KAZN: variants seen among roughly 807,000 people sequenced by gnomAD.
KAZN encodes the protein kazrin.
In KAZN, 40 loss-of-function variants were observed where a neutral mutation model predicts 87.4. The observed-to-expected ratio is 0.46, with a 90% CI of 0.36 to 0.60. The LOEUF (loss-of-function observed/expected upper bound fraction) is 0.60, where lower values mean the gene tolerates loss of function less well. Among genes scored for constraint, KAZN ranks in the 20% least tolerant of loss-of-function variants. The pLI, the probability that KAZN is intolerant of heterozygous loss-of-function variation, is 0.00. For missense variants in KAZN, 898 were observed against 1,073.9 expected, an observed-to-expected ratio of 0.84 and a Z score of 2.29; for synonymous variants, 466 against 458.3, an observed-to-expected ratio of 1.02 and a Z score of -0.22.
At chr1:14,688,622 T>C (rs974500383) in intron 1 of KAZN, among the ~76,000 whole-genome samples, 1 of 152,272 alleles carries the variant, frequency 6.6e-6, no homozygotes, top group Non-Finnish European at 1.5e-5. Context: ...GGGGCTGTTC[T>C]GTGGATTCTT....
chr1:14,604,356 G>C (rs962286700), intron 1 of KAZN, among the ~76,000 whole-genome samples: 54 of 152,314 alleles, frequency 3.5e-4, no homozygotes, highest in African/African-American at 1.2e-3. Flanking sequence ...GCAGCTAAGA[G>C]TTCTGCTGAC....
chr1:14,427,447 T>C (rs1034219880), intron 2 of KAZN, among the ~76,000 whole-genome samples: 8 of 152,168 alleles, frequency 5.3e-5, no homozygotes, highest in Non-Finnish European at 1.2e-4. Flanking sequence ...TTGTAGAAGT[T>C]ATCCTACCTC....
intron 2 of KAZN, among the ~76,000 whole-genome samples, chr1:14,268,864 TAAA>T (rs1308221531): frequency 6.6e-6 from 1 of 152,204 alleles, no homozygotes; most frequent in Non-Finnish European, 1.5e-5. Flanking sequence ...CACCTTAATT[TAAA>T]AAAGCAACTT....
chr1:14,648,808 C>T, intron 1 of KAZN, among the ~76,000 whole-genome samples: 1 of 152,144 alleles, frequency 6.6e-6, no homozygotes, highest in East Asian at 1.9e-4. Context: ...GGTCATGTCC[C>T]ATTGGGAACC....
chr1:15,099,207 C>T lies in KAZN; in HGVS notation c.1548-2336C>T, dbSNP rs1640937822. 6.6e-6 allele frequency among the ~76,000 whole-genome samples: 1 copy of T among 152,166 alleles called. No homozygotes were observed. The highest frequency in any genetic ancestry group is 1.5e-5 in the Non-Finnish European group (1 of 68,026). On this transcript the variant is annotated intron_variant, in intron 10 of 14. Transcript: ENST00000376030. This position sits in a 1 kb window ranked among gnomAD's most constrained non-coding sequence, Gnocchi z 5.4. ...ATGGGCAGAGGGAAGGAGAGTGAAGCCAAGCTGCAAGCCCATCCTGCTCTT... is the reference window on the plus strand; with the variant it reads ...ATGGGCAGAGGGAAGGAGAGTGAAGTCAAGCTGCAAGCCCATCCTGCTCTT...
At chr1:14,195,836 C>T (rs1194659752) in intron 2 of KAZN, among the ~76,000 whole-genome samples, 1 of 152,050 alleles carries the variant, frequency 6.6e-6, no homozygotes, top group Non-Finnish European at 1.5e-5. Flanking sequence ...AGGCAAAATC[C>T]CAGTCTTCCT....
At chr1:14,050,137 T>A (rs540534043) in intron 1 of KAZN, among the ~76,000 whole-genome samples, 2 of 149,290 alleles carry the variant, frequency 1.3e-5, no homozygotes, top group East Asian at 3.9e-4. Context: ...TGTGCACATG[T>A]GTGGATTTGG....
At chr1:14,593,564 C>G (rs1049949962) in intron 2 of KAZN, among the ~76,000 whole-genome samples, 6 of 152,166 alleles carry the variant, frequency 3.9e-5, no homozygotes, top group Non-Finnish European at 7.3e-5. Context: ...GTTTTGGAAA[C>G]CCCAGGAGTT....
chr1:14,514,461 AT>A (rs1456344190), intron 2 of KAZN, among the ~76,000 whole-genome samples: 2 of 1,338 alleles, frequency 1.5e-3, no homozygotes, highest in African/African-American at 3.4e-3. Flanking sequence ...TATTATATAT[AT>A]TTTATATAAA....
chr1:15,014,558 C>T (rs1239306873), intron 2 of KAZN, among the ~76,000 whole-genome samples: 2 of 152,220 alleles, frequency 1.3e-5, no homozygotes, highest in Non-Finnish European at 2.9e-5. Flanking sequence ...GCATTTCCAG[C>T]ACGTTGGAAA....
intron 1 of KAZN, among the ~76,000 whole-genome samples, chr1:14,840,301 A>T (rs1168950222): frequency 6.6e-6 from 1 of 152,192 alleles, no homozygotes; most frequent in Non-Finnish European, 1.5e-5. Context: ...AATCACACAC[A>T]GAATAACTGG....
chr1:14,312,117 G>A (rs3737643), intron 2 of KAZN, among the ~76,000 whole-genome samples: 19,400 of 151,252 alleles, frequency 0.13, 2,196 homozygotes, highest in African/African-American at 0.31. Flanking sequence ...AAGCCATTTA[G>A]AGTATGCTAC....
chr1:14,836,142 G>T (rs1352554032), intron 1 of KAZN, among the ~76,000 whole-genome samples: 1 of 152,188 alleles, frequency 6.6e-6, no homozygotes, highest in Non-Finnish European at 1.5e-5. Context: ...CCTGAGAGAA[G>T]AGGGGACAGA....
At chr1:15,030,990 C>G (rs1671632643) in intron 2 of KAZN, among the ~76,000 whole-genome samples, 1 of 152,230 alleles carries the variant, frequency 6.6e-6, no homozygotes, top group Non-Finnish European at 1.5e-5. Flanking sequence ...GGACACTGGG[C>G]CAGGAGCTCA....
At chr1:14,655,324 C>G (rs1638721101) in intron 1 of KAZN, among the ~76,000 whole-genome samples, 1 of 152,240 alleles carries the variant, frequency 6.6e-6, no homozygotes, top group Non-Finnish European at 1.5e-5. Context: ...CAGACCACAG[C>G]AAAGTCCCAT....
At chr1:14,258,390 ATTTT>A (rs760768355) in intron 2 of KAZN, among the ~76,000 whole-genome samples, 5 of 125,532 alleles carry the variant, frequency 4.0e-5, no homozygotes, top group African/African-American at 1.2e-4. Flanking sequence ...TAAATTTTGT[ATTTT>A]TTTTTTTTTT....
chr1:14,711,090 G>A (rs1642462238), intron 1 of KAZN, among the ~76,000 whole-genome samples: 1 of 152,212 alleles, frequency 6.6e-6, no homozygotes, highest in African/African-American at 2.4e-5. Flanking sequence ...CTACTTGGGA[G>A]ACTGATGCAG....
chr1:15,107,307 C>T (rs1422414187), intron 13 of KAZN, among the ~76,000 whole-genome samples: 3 of 152,176 alleles, frequency 2.0e-5, no homozygotes, highest in Admixed American at 1.3e-4. Flanking sequence ...GCTTCCACTC[C>T]AGGTTTTCTC....
Position 14,577,220 on chromosome 1 carries a change from G to A in KAZN, c.250-21763G>A, listed in dbSNP as rs114915661. ...ATACATCTGACAATGGCATACATCA[G>A]ATCCCAAACTGAACATTCAAAATAA... On this transcript the variant is annotated intron_variant, in intron 2 of 16. Coordinates refer to the KAZN transcript ENST00000636203. 7.6e-3 allele frequency among the ~76,000 whole-genome samples: 1,155 copies of A among 152,266 alleles called. 18 individuals are homozygous for A. The highest frequency in any genetic ancestry group is 0.027 in the African/African-American group (1,105 of 41,544).
Sources: gnomAD v4.1 joint callset for allele counts (sites outside exome capture counted in the v4.1 genomes callset) on GRCh38, gnomAD v4.1.1 for gene constraint, Gnocchi (gnomAD v3.1) non-coding constraint, MANE v1.5 for transcripts, NCBI Gene and HGNC (gene_info 2026-07-23, HGNC 2026-07-21) for gene names.